TFDP2: variants seen among roughly 807,000 people sequenced by gnomAD.
TFDP2 encodes the protein transcription factor Dp-2, also known as transcription factor Dp-2 (E2F dimerization partner 2).
In TFDP2, 17 loss-of-function variants were observed where a neutral mutation model predicts 59.3. That is an observed-to-expected ratio of 0.29 (90% CI 0.20 to 0.43). The LOEUF (loss-of-function observed/expected upper bound fraction) is 0.43. TFDP2 is among the 20% of genes least tolerant of loss of function. The pLI is 1.00. For missense variants in TFDP2, 391 were observed against 528.8 expected (o/e 0.74, Z 2.56); for synonymous variants, 180 against 194.7 (o/e 0.92, Z 0.63).
chr3:141,968,567 T>C (rs1466231387), intron 9 of TFDP2, among the ~76,000 whole-genome samples: 1 of 108,832 alleles, frequency 9.2e-6, no homozygotes, highest in Non-Finnish European at 1.7e-5. Flanking sequence ...TATATAGATA[T>C]ATATAACATA....
At chr3:142,136,558 A>G (rs1225148034) in intron 1 of TFDP2, among the ~76,000 whole-genome samples, 1 of 151,998 alleles carries the variant, frequency 6.6e-6, no homozygotes, top group African/African-American at 2.4e-5. Context: ...TTTTAGGTCT[A>G]ACATTTAAGT....
At chr3:141,960,889 T>C (rs902038856) in intron 10 of TFDP2, among the ~76,000 whole-genome samples, 1 of 152,138 alleles carries the variant, frequency 6.6e-6, no homozygotes, top group African/African-American at 2.4e-5. Context: ...CCAAAGTAAC[T>C]GAAAGGGTTT....
At chr3:142,036,917 G>C (rs1391184818) in intron 3 of TFDP2, among the ~76,000 whole-genome samples, 1 of 152,186 alleles carries the variant, frequency 6.6e-6, no homozygotes, top group African/African-American at 2.4e-5. Context: ...TGTTCAAAAT[G>C]TCTTTCCCCC....
intron 3 of TFDP2, among the ~76,000 whole-genome samples, chr3:142,027,081 T>TAA (rs10662976): frequency 6.5e-4 from 2 of 3,086 alleles, no homozygotes; most frequent in Non-Finnish European, 1.0e-3. Flanking sequence ...CTTTTGCAAC[T>TAA]GTTTCCTCTA....
intron 11 of TFDP2, among the ~76,000 whole-genome samples, 180 bp downstream of exon 11, chr3:141,959,494 T>C (rs1322132027): frequency 1.3e-5 from 2 of 152,196 alleles, no homozygotes; most frequent in Non-Finnish European, 2.9e-5. Flanking sequence ...GTTCATAATG[T>C]TATGAAACAA....
At chr3:142,050,851 AAATCAATC>A (rs61649165) in intron 3 of TFDP2, among the ~76,000 whole-genome samples, 1 of 151,250 alleles carries the variant, frequency 6.6e-6, no homozygotes, top group Admixed American at 6.6e-5. Flanking sequence ...CCATCTCAAA[AAATCAATC>A]AATCAATCAG....
intron 7 of TFDP2, among the ~76,000 whole-genome samples, chr3:141,975,496 C>T (rs978956707): frequency 6.6e-6 from 1 of 151,958 alleles, no homozygotes; most frequent in Admixed American, 6.6e-5. Context: ...AGTTCAAGAC[C>T]AGCCTGGCCA....
At chr3:142,081,010 T>G (rs2060621878) in intron 3 of TFDP2, among the ~76,000 whole-genome samples, 1 of 152,180 alleles carries the variant, frequency 6.6e-6, no homozygotes, top group Non-Finnish European at 1.5e-5. Context: ...TACAAAACAT[T>G]TCATCCAATG....
At chr3:142,067,076 T>C (rs1576890235) in intron 3 of TFDP2, among the ~76,000 whole-genome samples, 1 of 152,114 alleles carries the variant, frequency 6.6e-6, no homozygotes, top group East Asian at 1.9e-4. Context: ...GACTTAACAC[T>C]TTCCTCCTAA....
At chr3:142,111,712 C>T (rs780421482) in intron 1 of TFDP2, among the ~76,000 whole-genome samples, 3 of 151,982 alleles carry the variant, frequency 2.0e-5, no homozygotes, top group Admixed American at 6.6e-5. Context: ...GGCAAGGCAA[C>T]GGGCTGCTAA....
chr3:142,097,618 G>A (rs2061200921), intron 2 of TFDP2, among the ~76,000 whole-genome samples: 1 of 152,104 alleles, frequency 6.6e-6, no homozygotes, highest in African/African-American at 2.4e-5. Context: ...CCAGGAGGTG[G>A]AGGCTGCAGT....
chr3:142,070,112 G>A (rs547424424), intron 3 of TFDP2, among the ~76,000 whole-genome samples: 8 of 151,694 alleles, frequency 5.3e-5, no homozygotes, highest in Non-Finnish European at 1.2e-4. Context: ...TCGCCATGTT[G>A]GCCAGGCTGG....
chr3:141,968,947 G>T (rs541959734), intron 9 of TFDP2, among the ~76,000 whole-genome samples: 2 of 90,980 alleles, frequency 2.2e-5, no homozygotes, highest in Non-Finnish European at 4.1e-5. Flanking sequence ...CATATATATA[G>T]ATATATATAA....
At chr3:142,090,811 T>G (rs1426690801) in intron 3 of TFDP2, 1 of 152,368 alleles carries the variant, frequency 6.6e-6, no homozygotes, top group Non-Finnish European at 1.5e-5. Flanking sequence ...TCCGCCCACC[T>G]TGGCCCCCCA....
intron 3 of TFDP2, among the ~76,000 whole-genome samples, chr3:142,038,432 T>C (rs1262078779): frequency 1.4e-5 from 2 of 142,382 alleles, no homozygotes; most frequent in Admixed American, 1.4e-4. Flanking sequence ...ATACTGTAGA[T>C]GAGAAGAATT....
intron 1 of TFDP2, among the ~76,000 whole-genome samples, chr3:142,142,332 T>C (rs2108754006): frequency 6.6e-6 from 1 of 152,276 alleles, no homozygotes; most frequent in South Asian, 2.1e-4. Context: ...GAAAAAGAAA[T>C]TTTAAAAGTA....
intron 3 of TFDP2, among the ~76,000 whole-genome samples, chr3:142,038,498 T>G (rs1946804457): frequency 6.6e-6 from 1 of 152,004 alleles, no homozygotes; most frequent in East Asian, 1.9e-4. Context: ...TTCTCATACC[T>G]TTGCCAACAA....
chr3:141,973,093 GTATA>G (rs1553761666), intron 8 of TFDP2, among the ~76,000 whole-genome samples: 1,223 of 103,082 alleles, frequency 0.012, 12 homozygotes, highest in African/African-American at 0.037. Context: ...AAAGCTATGT[GTATA>G]TATATATATA....
intron 1 of TFDP2, among the ~76,000 whole-genome samples, chr3:142,108,477 TAGGATTAC>T (rs1275030715): frequency 6.6e-6 from 1 of 152,182 alleles, no homozygotes; most frequent in Non-Finnish European, 1.5e-5. Flanking sequence ...CCCAAAGTGC[TAGGATTAC>T]AGGCATGAGC....
Sources: gnomAD v4.1 joint callset for allele counts (sites outside exome capture counted in the v4.1 genomes callset) on GRCh38, gnomAD v4.1.1 for gene constraint, MANE v1.5 for transcripts, NCBI Gene and HGNC (gene_info 2026-07-23, HGNC 2026-07-21) for gene names.